SPAG9: variants seen among roughly 807,000 people sequenced by gnomAD.
SPAG9 encodes sperm associated antigen 9.
A neutral mutation model predicts 166.5 loss-of-function variants in SPAG9; 35 were observed. The observed-to-expected ratio is 0.21, with a 90% CI of 0.16 to 0.28. The LOEUF (loss-of-function observed/expected upper bound fraction) is 0.28, where lower values mean the gene tolerates loss of function less well. Among genes scored for constraint, SPAG9 ranks in the 10% least tolerant of loss-of-function variants. The probability of loss-of-function intolerance (pLI) is 1.00; values close to 1 mark genes in which losing one functional copy is unlikely to be tolerated. For missense variants in SPAG9, 1,235 were observed against 1,603.3 expected (o/e 0.77, Z 3.92); for synonymous variants, 534 against 565.5 (o/e 0.94, Z 0.79).
chr17:50,975,087 G>A (rs1974117252), intron 27 of SPAG9, 140 bp from the exon 28 acceptor site: 1 of 713,238 alleles, frequency 1.4e-6, no homozygotes, highest in Non-Finnish European at 2.2e-6. Context: ...GCCAATTCAA[G>A]ACAAAGCTGG....
intron 1 of SPAG9, among the ~76,000 whole-genome samples, chr17:51,109,912 A>ATGTTACCCAGGC (rs1175198539): frequency 6.6e-6 from 1 of 151,700 alleles, no homozygotes; most frequent in African/African-American, 2.4e-5. Context: ...AGGTTTTGCT[A>ATGTTACCCAGGC]TGTTACCCAG....
At chr17:51,099,071 G>A (rs1473954333) in intron 1 of SPAG9, among the ~76,000 whole-genome samples, 1 of 149,794 alleles carries the variant, frequency 6.7e-6, no homozygotes, top group Non-Finnish European at 1.5e-5. Flanking sequence ...CTGCACTCCA[G>A]GCTGGGTGAC....
intron 9 of SPAG9, among the ~76,000 whole-genome samples, chr17:51,009,462 T>C (rs1320035034): frequency 1.3e-5 from 2 of 152,138 alleles, no homozygotes; most frequent in Non-Finnish European, 2.9e-5. Context: ...AAGTCCTCAG[T>C]GGGCTTAGAA....
chr17:51,031,528 A>G (rs2046383861), intron 6 of SPAG9, 153 bp downstream of exon 6: 3 of 645,856 alleles, frequency 4.6e-6, no homozygotes, highest in East Asian at 2.8e-5. Flanking sequence ...CAACCACTAC[A>G]GTGGAAATAA....
intron 4 of SPAG9, 61 bp downstream of exon 4, chr17:51,047,314 C>A: frequency 1.1e-6 from 1 of 951,450 alleles, no homozygotes; most frequent in South Asian, 1.5e-5. Context: ...CAGAGAAAAA[C>A]AGAAACAAAC....
chr17:50,972,266 A>T (rs541449802), intron 28 of SPAG9, among the ~76,000 whole-genome samples: 1 of 152,342 alleles, frequency 6.6e-6, no homozygotes, highest in East Asian at 1.9e-4. Flanking sequence ...TCCCTTGAAA[A>T]GGAATGTGCT....
In SPAG9 at chr17:50,972,322, A is replaced by C. The variant is rs190160984; in HGVS notation, c.3701-1466T>G. 5.9e-5 allele frequency among the ~76,000 whole-genome samples: 9 copies of C among 152,350 alleles called. No homozygotes were observed. In the East Asian group the frequency reaches 1.7e-3, roughly 29 times the overall value. On this transcript the variant is annotated intron_variant, in intron 28 of 29. Transcript: ENST00000262013. ...AAAAGTCTTCAACTTAAGCCCTATG[A>C]GTTTGCATAGTCATAATTAACATTT...
chr17:50,966,465 G>A lies in SPAG9; in HGVS notation c.3851-78C>T, dbSNP rs573501564. On this transcript the variant is annotated intron_variant, in intron 29 of 29. Coordinates refer to ENST00000262013, the MANE Select transcript of SPAG9 (RefSeq NM_001130528.3). The stretch of plus-strand genomic sequence containing the variant: ...GATGTGAGTCAGATGTAATGCTCGT[G>A]GTTAGTCCATGAACAAGATGCCCAA... 26 of 930,670 alleles carry A rather than the reference G, an allele frequency of 2.8e-5. No homozygotes were observed. In the African/African-American group the frequency reaches 4.0e-4, roughly 14 times the overall value. 57.7% of individuals were successfully genotyped at this position (930,670 alleles called of 1,614,324 possible).
intron 12 of SPAG9, among the ~76,000 whole-genome samples, chr17:51,004,158 T>A (rs546509636): frequency 1.7e-4 from 26 of 150,914 alleles, no homozygotes; most frequent in East Asian, 1.2e-3. Context: ...TATGATAAAA[T>A]TTTTTTTTTA....
chr17:51,001,945 T>A, intron 12 of SPAG9, 100 bp from the exon 13 acceptor site: 1 of 1,081,836 alleles, frequency 9.2e-7, no homozygotes, highest in African/African-American at 1.6e-5. Context: ...AAGCATTCCT[T>A]AATTTTTAAT....
At chr17:51,019,151 C>T (rs2045826914) in intron 8 of SPAG9, among the ~76,000 whole-genome samples, 1 of 152,228 alleles carries the variant, frequency 6.6e-6, no homozygotes, top group Admixed American at 6.5e-5. Context: ...GAGGATGCAG[C>T]AACAAGGCAC....
Position 50,989,793 on chromosome 17 carries a change from C to T in SPAG9, c.2697G>A (p.Ala899=), listed in dbSNP as rs146477955. ...EEATEATEGN[A]GSAEDTVDIS... ...TGTCCACTGTGTCTTCAGCTGACCC[C>T]GCATTCCCTTCTGTAGCTTCAGTTG... Residue 899 remains alanine, a synonymous_variant, in exon 21 of 30, where the codon GCG becomes GCA. Transcript: ENST00000262013. The T allele has an allele frequency of 8.0e-5, 129 of 1,614,148 alleles. No homozygotes were observed. In the African/African-American group the frequency reaches 8.3e-4, roughly 10 times the overall value.
chr17:51,033,821 AAAC>A (rs1164706767), intron 5 of SPAG9, among the ~76,000 whole-genome samples: 2 of 152,264 alleles, frequency 1.3e-5, no homozygotes, highest in Non-Finnish European at 2.9e-5. Context: ...AGAAAATGTT[AAAC>A]AACTTCTCCT....
chr17:51,077,369 G>A (rs553354732), intron 2 of SPAG9, among the ~76,000 whole-genome samples: 46 of 152,008 alleles, frequency 3.0e-4, no homozygotes, highest in Non-Finnish European at 5.9e-4. Context: ...TGATTCGCCC[G>A]CCTCGACCTC....
intron 5 of SPAG9, among the ~76,000 whole-genome samples, chr17:51,037,689 T>TATATA (rs1568028348): frequency 4.8e-5 from 4 of 82,598 alleles, no homozygotes; most frequent in Admixed American, 2.7e-4. Context: ...ATATATAGTG[T>TATATA]GTGTGTGTGT....
chr17:50,979,966 CA>C, intron 25 of SPAG9, 49 bp from the exon 26 acceptor site: 1 of 1,574,702 alleles, frequency 6.4e-7, no homozygotes, highest in Non-Finnish European at 8.7e-7. Context: ...CATAGAATTT[CA>C]TATTTAAAAC....
chr17:51,112,961 C>G (rs12947122), intron 1 of SPAG9, among the ~76,000 whole-genome samples: 1 of 111,448 alleles, frequency 9.0e-6, no homozygotes, highest in Non-Finnish European at 1.9e-5. Flanking sequence ...AACCTCATCT[C>G]TAAAAAAAAG....
Position 51,027,954 on chromosome 17 carries a change from A to C in SPAG9, c.783+3727T>G, listed in dbSNP as rs1388086295. Among the ~76,000 whole-genome samples the C allele has an allele frequency of 3.9e-5, 6 of 152,266 alleles. No homozygotes were observed. In the South Asian group the frequency reaches 1.0e-3, roughly 26 times the overall value. ...GTGTCATTGCTCCTGAAAACTTTCC[A>C]GTGGGACAAGATGTGGAGGTGGAAG... On this transcript the variant is annotated intron_variant, in intron 6 of 29. Coordinates refer to ENST00000262013, the MANE Select transcript of SPAG9 (RefSeq NM_001130528.3).
intron 23 of SPAG9, among the ~76,000 whole-genome samples, chr17:50,985,254 A>AACTCTAAAG (rs1323479889): frequency 2.0e-5 from 3 of 152,196 alleles, no homozygotes; most frequent in Non-Finnish European, 2.9e-5. Context: ...ACAGACAATC[A>AACTCTAAAG]ACACAAACTC....
Sources: gnomAD v4.1 joint callset for allele counts (sites outside exome capture counted in the v4.1 genomes callset) on GRCh38, gnomAD v4.1.1 for gene constraint, MANE v1.5 for transcripts, NCBI Gene and HGNC (gene_info 2026-07-23, HGNC 2026-07-21) for gene names.